The following NKAIN2 variants were observed in gnomAD, a reference collection of about 807,000 sequenced individuals.
NKAIN2 encodes sodium/potassium transporting ATPase interacting 2, also known as sodium/potassium-transporting ATPase subunit beta-1-interacting protein 2.
Under a neutral mutation model 32.6 loss-of-function variants are expected in NKAIN2, and 14 were observed. The ratio of observed to expected loss-of-function variants is 0.43; its 90% CI spans 0.28 to 0.67. The LOEUF (loss-of-function observed/expected upper bound fraction) is 0.67, where lower values mean the gene tolerates loss of function less well. Among genes scored for constraint, NKAIN2 ranks in the 30% least tolerant of loss-of-function variants. The probability of loss-of-function intolerance (pLI) is 0.17; values close to 1 mark genes in which losing one functional copy is unlikely to be tolerated. For synonymous variants in NKAIN2, 80 were observed against 87.2 expected (o/e 0.92, Z 0.46); for missense variants, 198 against 258.3 (o/e 0.77, Z 1.60).
At chr6:124,584,681 A>C (rs1781647824) in intron 3 of NKAIN2, among the ~76,000 whole-genome samples, 2 of 151,752 alleles carry the variant, frequency 1.3e-5, no homozygotes, top group Non-Finnish European at 2.9e-5. Context: ...AAAGACATAC[A>C]AATGGTAAAC....
chr6:124,494,197 A>G (rs545143936), intron 3 of NKAIN2, among the ~76,000 whole-genome samples: 1 of 152,206 alleles, frequency 6.6e-6, no homozygotes, highest in East Asian at 1.9e-4. Context: ...TTCTTGAGAA[A>G]GGGATGTTGT....
chr6:124,796,364 C>G (rs183383278), intron 5 of NKAIN2, among the ~76,000 whole-genome samples: 1 of 152,246 alleles, frequency 6.6e-6, no homozygotes. Flanking sequence ...GGGCCAATTT[C>G]CAAATATAGT....
chr6:124,157,460 C>T (rs1788050691), intron 1 of NKAIN2, among the ~76,000 whole-genome samples: 1 of 152,048 alleles, frequency 6.6e-6, no homozygotes, highest in South Asian at 2.1e-4. Flanking sequence ...TAAGAGGTAG[C>T]GCTATTGCTT....
intron 1 of NKAIN2, among the ~76,000 whole-genome samples, chr6:123,916,576 G>A (rs747845749): frequency 6.6e-6 from 1 of 152,018 alleles, no homozygotes; most frequent in Non-Finnish European, 1.5e-5. Context: ...AGTATACTTT[G>A]GAGGGAACAT....
intron 4 of NKAIN2, among the ~76,000 whole-genome samples, chr6:124,674,304 T>C (rs557501074): frequency 1.3e-5 from 2 of 152,080 alleles, no homozygotes; most frequent in African/African-American, 2.4e-5. Flanking sequence ...GTGAGGCTTC[T>C]GCTTTGTTTT....
At chr6:124,025,623 T>C (rs958030181) in intron 1 of NKAIN2, among the ~76,000 whole-genome samples, 1 of 152,196 alleles carries the variant, frequency 6.6e-6, no homozygotes, top group South Asian at 2.1e-4. Flanking sequence ...TTGTGCATCA[T>C]GATGACTGTA....
At chr6:124,086,860 C>T (rs1784210986) in intron 1 of NKAIN2, among the ~76,000 whole-genome samples, 3 of 151,852 alleles carry the variant, frequency 2.0e-5, no homozygotes, top group South Asian at 2.1e-4. Flanking sequence ...GAAGAAATTA[C>T]ACTAACTCTC....
chr6:124,757,478 A>G (rs1450750627), intron 4 of NKAIN2, among the ~76,000 whole-genome samples: 2 of 152,178 alleles, frequency 1.3e-5, no homozygotes, highest in Non-Finnish European at 2.9e-5. Flanking sequence ...TTATTCAACT[A>G]AACATGATCA....
rs554390798 is a variant in NKAIN2, at chr6:124,030,738, T to C, written c.54+226484T>C. Among the ~76,000 whole-genome samples the C allele has an allele frequency of 4.6e-5, 7 of 152,326 alleles. No individual in the cohort carries two copies. The South Asian group carries it at 6.2e-4, about 14-fold the overall frequency. ...CCTGGAAAGCATGAACATACTCTTA[T>C]GTATTTCTGTATCCTCTAAGCCTAA... On this transcript the variant is annotated intron_variant, in intron 1 of 6. Transcript: ENST00000368417.
rs566521008 is a variant in NKAIN2 at position 124,363,757 on chromosome 6, T to A, written c.273+8410T>A. Among the ~76,000 whole-genome samples, 43 of 152,272 alleles carry A rather than the reference T, an allele frequency of 2.8e-4. No homozygotes were observed. The South Asian group carries it at 8.9e-3, about 32-fold the overall frequency. On this transcript the variant is annotated intron_variant, in intron 3 of 6. Coordinates refer to ENST00000368417, the MANE Select transcript of NKAIN2 (RefSeq NM_001040214.3). ...AATAAACTGATTACCCATCACTTTATCTCTCTAGTTGAGAGAAAAGAGAAA... is the reference window on the plus strand; with the variant it reads ...AATAAACTGATTACCCATCACTTTAACTCTCTAGTTGAGAGAAAAGAGAAA...
chr6:124,686,794 A>C (rs1031556624), intron 4 of NKAIN2, among the ~76,000 whole-genome samples: 1 of 152,166 alleles, frequency 6.6e-6, no homozygotes, highest in Non-Finnish European at 1.5e-5. Context: ...GGATTGAAGC[A>C]TACAAAGTAT....
intron 1 of NKAIN2, among the ~76,000 whole-genome samples, chr6:123,853,827 C>T (rs1775451000): frequency 6.6e-6 from 1 of 150,746 alleles, no homozygotes; most frequent in Non-Finnish European, 1.5e-5. Context: ...AGCTGGAGTG[C>T]AGTGGCGCTA....
intron 3 of NKAIN2, among the ~76,000 whole-genome samples, chr6:124,567,144 C>T (rs1006011060): frequency 2.0e-5 from 3 of 152,242 alleles, no homozygotes; most frequent in African/African-American, 7.2e-5. Context: ...GTTATTGTAT[C>T]GTCTGGTTCT....
chr6:124,566,094 A>G (rs1780900246), intron 3 of NKAIN2, among the ~76,000 whole-genome samples: 1 of 152,198 alleles, frequency 6.6e-6, no homozygotes, highest in Non-Finnish European at 1.5e-5. Flanking sequence ...AATTCCGATT[A>G]CCTCCAGAAC....
At chr6:124,501,944 C>A (rs2253451) in intron 3 of NKAIN2, among the ~76,000 whole-genome samples, 141,653 of 151,972 alleles carry the variant, frequency 0.93, 66,485 homozygotes, top group Non-Finnish European at 1. Flanking sequence ...CCAATTAAAA[C>A]AAATTACAAA....
chr6:124,058,976 TTAA>T (rs1158579078), intron 1 of NKAIN2, among the ~76,000 whole-genome samples: 1 of 152,008 alleles, frequency 6.6e-6, no homozygotes, highest in East Asian at 1.9e-4. Flanking sequence ...GAGGGTACTA[TTAA>T]TAATAAGTTA....
intron 3 of NKAIN2, among the ~76,000 whole-genome samples, chr6:124,362,889 C>T (rs1303347928): frequency 6.6e-6 from 1 of 152,056 alleles, no homozygotes. Flanking sequence ...GGCTGTAGTA[C>T]ATTGGTGCAC....
intron 2 of NKAIN2, among the ~76,000 whole-genome samples, chr6:124,348,483 G>C (rs1798550511): frequency 1.3e-5 from 2 of 152,238 alleles, no homozygotes; most frequent in Admixed American, 1.3e-4. Context: ...GTGGTGGGCT[G>C]CACCCAGTTT....
intron 5 of NKAIN2, among the ~76,000 whole-genome samples, 158 bp from the exon 6 acceptor site, chr6:124,818,229 A>C (rs1781251188): frequency 6.6e-6 from 1 of 152,128 alleles, no homozygotes; most frequent in Non-Finnish European, 1.5e-5. Context: ...CCTTGAAGGA[A>C]CTATCATTTC....
Sources: allele counts gnomAD v4.1 joint callset (sites outside exome capture counted in the v4.1 genomes callset), GRCh38; gene constraint gnomAD v4.1.1; transcripts MANE v1.5; gene names NCBI Gene and HGNC (gene_info 2026-07-23, HGNC 2026-07-21).